The following UBE2E2 variants were observed in gnomAD, a reference collection of about 807,000 sequenced individuals.
UBE2E2 encodes the protein ubiquitin conjugating enzyme E2 E2.
UBE2E2 carries 6 observed loss-of-function variants against 24.7 expected under a neutral mutation model. That is an observed-to-expected ratio of 0.24 (90% CI 0.13 to 0.48). The LOEUF (loss-of-function observed/expected upper bound fraction) is 0.48, where lower values mean the gene tolerates loss of function less well. Among genes scored for constraint, UBE2E2 ranks in the 20% least tolerant of loss-of-function variants. The pLI, the probability that UBE2E2 is intolerant of heterozygous loss-of-function variation, is 0.99. For synonymous variants in UBE2E2, 104 were observed against 83.6 expected (o/e 1.24, Z -1.33); for missense variants, 169 against 245.0 (o/e 0.69, Z 2.07).
chr3:23,461,475 T>A (rs1698803949), intron 3 of UBE2E2, among the ~76,000 whole-genome samples: 1 of 152,038 alleles, frequency 6.6e-6, no homozygotes, highest in African/African-American at 2.4e-5. Flanking sequence ...GAAAAAAAAA[T>A]AAGGATTTTT....
intron 3 of UBE2E2, among the ~76,000 whole-genome samples, chr3:23,399,406 T>C (rs35320722): frequency 0.1 from 15,505 of 152,166 alleles, 928 homozygotes; most frequent in East Asian, 0.13. Flanking sequence ...GTGTACACAA[T>C]GTAGATGCAC....
At chr3:23,283,142 C>T (rs1321657179) in intron 3 of UBE2E2, among the ~76,000 whole-genome samples, 1 of 152,120 alleles carries the variant, frequency 6.6e-6, no homozygotes, top group Non-Finnish European at 1.5e-5. Context: ...TGCTACCTTC[C>T]TGCACTTGCT....
chr3:23,494,574 A>C (rs1305851845), intron 3 of UBE2E2, among the ~76,000 whole-genome samples: 3 of 152,196 alleles, frequency 2.0e-5, no homozygotes, highest in Non-Finnish European at 4.4e-5. Flanking sequence ...CTCAACTGGT[A>C]CATATCCAAA....
At chr3:23,289,155 A>T (rs1269503037) in intron 3 of UBE2E2, among the ~76,000 whole-genome samples, 3 of 152,218 alleles carry the variant, frequency 2.0e-5, no homozygotes, top group Non-Finnish European at 4.4e-5. Flanking sequence ...TCATTTGTAA[A>T]TATTTCAGTG....
chr3:23,451,224 C>A (rs1192313437), intron 3 of UBE2E2, among the ~76,000 whole-genome samples: 1 of 152,080 alleles, frequency 6.6e-6, no homozygotes, highest in Non-Finnish European at 1.5e-5. Flanking sequence ...CTCTTAAAAG[C>A]AAATAAATAA....
chr3:23,386,548 GT>G (rs1355225825), intron 3 of UBE2E2, among the ~76,000 whole-genome samples: 4 of 152,118 alleles, frequency 2.6e-5, no homozygotes, highest in Non-Finnish European at 2.9e-5. Flanking sequence ...TAATAAAACT[GT>G]TTGTCTAATT....
In UBE2E2 at chr3:23,280,880, C is replaced by A. The variant is rs936046318; in HGVS notation, c.227+63568C>A. 1.3e-5 allele frequency among the ~76,000 whole-genome samples: 2 copies of A among 152,160 alleles called. No individual in the cohort carries two copies. Among genetic ancestry groups the A allele is most frequent in the African/African-American group, 4.8e-5 (2 of 41,436 alleles). ...GCTGTAACAGAATAAGTCTGGGTGGCTTAAACAGCATTTATTTCTCACAAC... is the reference window on the plus strand; with the variant it reads ...GCTGTAACAGAATAAGTCTGGGTGGATTAAACAGCATTTATTTCTCACAAC... On this transcript the variant is annotated intron_variant, in intron 3 of 5. Transcript: ENST00000396703. This position sits in a 1 kb window ranked among gnomAD's most constrained non-coding sequence, Gnocchi z 4.3.
intron 3 of UBE2E2, among the ~76,000 whole-genome samples, chr3:23,400,279 A>G (rs1297938960): frequency 6.6e-6 from 1 of 152,202 alleles, no homozygotes; most frequent in Non-Finnish European, 1.5e-5. Context: ...TTCTTTGTCT[A>G]ATTAACCACA....
At chr3:23,203,157 G>T, upstream of UBE2E2, 2 of 985,614 alleles carry the variant, frequency 2.0e-6, no homozygotes, top group Non-Finnish European at 2.4e-6. Flanking sequence ...GGAGGTGGTG[G>T]CTTCACTTTC....
chr3:23,272,756 C>A (rs1331471270), intron 3 of UBE2E2, among the ~76,000 whole-genome samples: 1 of 152,086 alleles, frequency 6.6e-6, no homozygotes, highest in African/African-American at 2.4e-5. Flanking sequence ...AGACGGCAAG[C>A]TGGAGACTCA....
chr3:23,221,015 A>G (rs1696621268), intron 3 of UBE2E2, among the ~76,000 whole-genome samples: 1 of 152,212 alleles, frequency 6.6e-6, no homozygotes, highest in African/African-American at 2.4e-5. Context: ...AGAGAAGCTA[A>G]CTTGTTCAAA....
chr3:23,586,559 A>G (rs778075652), intron 5 of UBE2E2, among the ~76,000 whole-genome samples: 52 of 152,254 alleles, frequency 3.4e-4, no homozygotes, highest in Non-Finnish European at 2.5e-4. Flanking sequence ...CAGACTCCCA[A>G]AGTGCTGGGA....
chr3:23,522,161 C>T (rs1185586936), intron 4 of UBE2E2, among the ~76,000 whole-genome samples: 2 of 114,356 alleles, frequency 1.7e-5, no homozygotes, highest in African/African-American at 7.5e-5. Flanking sequence ...GGCAGAGTCT[C>T]GCTCTGTTGC....
At chr3:23,339,306 T>C (rs1440892587) in intron 3 of UBE2E2, among the ~76,000 whole-genome samples, 1 of 152,140 alleles carries the variant, frequency 6.6e-6, no homozygotes, top group Non-Finnish European at 1.5e-5. Context: ...AGAGATCTGA[T>C]AACTAAATGC....
At chr3:23,366,444 G>T (rs1162525592) in intron 3 of UBE2E2, among the ~76,000 whole-genome samples, 1 of 152,114 alleles carries the variant, frequency 6.6e-6, no homozygotes, top group Non-Finnish European at 1.5e-5. Flanking sequence ...ATGCAGTATG[G>T]ATATACCATG....
intron 3 of UBE2E2, among the ~76,000 whole-genome samples, chr3:23,340,196 T>G (rs1056563290): frequency 1.3e-5 from 2 of 152,126 alleles, no homozygotes; most frequent in Non-Finnish European, 2.9e-5. Flanking sequence ...TCTACTGAAT[T>G]GTAAAGAGCC....
intron 5 of UBE2E2, among the ~76,000 whole-genome samples, chr3:23,582,246 G>A (rs1696498046): frequency 6.6e-6 from 1 of 152,068 alleles, no homozygotes; most frequent in Non-Finnish European, 1.5e-5. Flanking sequence ...CTTTTTTATG[G>A]CTGCATAACA....
intron 3 of UBE2E2, among the ~76,000 whole-genome samples, chr3:23,497,267 G>C (rs1699621479): frequency 6.6e-6 from 1 of 152,138 alleles, no homozygotes; most frequent in Admixed American, 6.6e-5. Flanking sequence ...GGATCCCATG[G>C]TGTTATTTAA....
intron 3 of UBE2E2, among the ~76,000 whole-genome samples, chr3:23,357,878 A>G (rs971156982): frequency 5.9e-5 from 9 of 152,142 alleles, no homozygotes; most frequent in African/African-American, 2.2e-4. Context: ...TCACGCTATC[A>G]CCCAGGCTGG....
Sources: gnomAD v4.1 joint callset for allele counts (sites outside exome capture counted in the v4.1 genomes callset) on GRCh38, gnomAD v4.1.1 for gene constraint, Gnocchi (gnomAD v3.1) non-coding constraint, MANE v1.5 for transcripts, NCBI Gene and HGNC (gene_info 2026-07-23, HGNC 2026-07-21) for gene names.